CRLF1: variants seen among roughly 807,000 people sequenced by gnomAD.
CRLF1 encodes cytokine receptor like factor 1.
A neutral mutation model predicts 48.9 loss-of-function variants in CRLF1; 36 were observed. The ratio of observed to expected loss-of-function variants is 0.74; its 90% CI spans 0.56 to 0.97. CRLF1 has a LOEUF of 0.97. Ranked by LOEUF, CRLF1 falls within the 50% of genes least tolerant of loss-of-function variation. The pLI, the probability that CRLF1 is intolerant of heterozygous loss-of-function variation, is 0.00. For synonymous variants in CRLF1, 256 were observed against 253.4 expected, an observed-to-expected ratio of 1.01 and a Z score of -0.10; for missense variants, 534 against 575.1, an observed-to-expected ratio of 0.93 and a Z score of 0.73.
In CRLF1 at chr19:18,606,621, G is replaced by C; in HGVS notation, c.36C>G (p.Ser12=). ...PAGRRGPAAQ[S]ARRPPPLLPL... is the part of the protein sequence containing the mutation. ...GCAGCAACGGCGGCGGCCGCCGCGC[G>C]GATTGGGCGGCGGGGCCCCGGCGGC... Residue 12 remains serine, a synonymous_variant, in exon 1 of 9, where the codon TCC becomes TCG. Coordinates refer to ENST00000392386, the MANE Select transcript of CRLF1 (RefSeq NM_004750.5). This position sits in a 1 kb window ranked among gnomAD's most constrained non-coding sequence, Gnocchi z 4.8. 1 of 1,043,682 alleles carries C rather than the reference G, an allele frequency of 9.6e-7. No homozygotes were observed. The highest frequency in any genetic ancestry group is 1.2e-6 in the Non-Finnish European group (1 of 863,500). 64.7% of individuals were successfully genotyped at this position (1,043,682 alleles called of 1,614,324 possible). A position where few individuals can be genotyped will look rare whatever the true frequency, so the allele number is the denominator to read the frequency against.
intron 1 of CRLF1, among the ~76,000 whole-genome samples, chr19:18,605,076 T>C (rs958349972): frequency 3.9e-5 from 6 of 152,062 alleles, no homozygotes; most frequent in Non-Finnish European, 5.9e-5. Context: ...TAGAAACATA[T>C]TGCCGAGGTG....
rs1976095117 is a variant in CRLF1 at position 18,594,081 on chromosome 19, T to C, written c.1239A>G (p.Arg413=). Residue 413 remains arginine, a synonymous_variant, in exon 8 of 9, where the codon AGA becomes AGG. Transcript: ENST00000392386. ...CCACCTTACCTCTCGCCGTGCCCCG[T>C]CTGCCCGAGGGCAGGATCCCCTCGT... ...NQDEGILPSG[R]RGTARGPAR 1 of 1,258,086 alleles carries C rather than the reference T, an allele frequency of 7.9e-7. No individual in the cohort carries two copies. The highest frequency in any genetic ancestry group is 1.0e-6 in the Non-Finnish European group (1 of 968,464). The allele number at this position is 1,258,086 out of a possible 1,614,324, so 77.9% of individuals were successfully genotyped here.
intron 4 of CRLF1, among the ~76,000 whole-genome samples, chr19:18,597,801 G>A (rs1256632322): frequency 6.6e-6 from 1 of 152,126 alleles, no homozygotes; most frequent in Admixed American, 6.6e-5. Context: ...CTGAGGCTTA[G>A]AACTTTCCCA....
chr19:18,599,860 G>A lies in CRLF1; in HGVS notation c.116-14C>T, dbSNP rs376810676. 6.6e-7 allele frequency: 1 copy of A among 1,511,288 alleles called. No homozygotes were observed. Among genetic ancestry groups the A allele is most frequent in the African/African-American group, 1.4e-5 (1 of 72,534 alleles). The allele number at this position is 1,511,288 out of a possible 1,614,324, so 93.6% of individuals were successfully genotyped here. A position where few individuals can be genotyped will look rare whatever the true frequency, so the allele number is the denominator to read the frequency against. On this transcript the variant is annotated splice_polypyrimidine_tract_variant and intron_variant, in intron 1 of 8. Coordinates refer to ENST00000392386, the MANE Select transcript of CRLF1 (RefSeq NM_004750.5). ...TCACAGCTGTGTCTGGGGTCAAAGA[G>A]GAACACGTGTCAGGCCAGGGCGGGG...
At chr19:18,603,479 C>A (rs1478700584) in intron 1 of CRLF1, among the ~76,000 whole-genome samples, 1 of 152,184 alleles carries the variant, frequency 6.6e-6, no homozygotes, top group Non-Finnish European at 1.5e-5. Context: ...CCCTGACCTG[C>A]AGGGAGGAGG....
At chr19:18,598,284 T>C in intron 4 of CRLF1, 148 bp downstream of exon 4, 5 of 808,998 alleles carry the variant, frequency 6.2e-6, no homozygotes, top group Non-Finnish European at 9.6e-6. Flanking sequence ...ACCTTCCCTC[T>C]GACCAGCAGG....
In CRLF1 at chr19:18,593,366, C is replaced by CA. The variant is rs951588983; in HGVS notation, c.*199dup. 7.3e-6 allele frequency: 5 copies of CA among 680,450 alleles called. No individual in the cohort carries two copies. In the African/African-American group the frequency reaches 9.0e-5, roughly 12 times the overall value. The allele number at this position is 680,450 out of a possible 1,614,324, so 42.2% of individuals were successfully genotyped here. A position where few individuals can be genotyped will look rare whatever the true frequency, so the allele number is the denominator to read the frequency against. The stretch of plus-strand genomic sequence containing the variant: ...GCAACTCAACCAACCCTCACACACA[C>CA]ACACACACCCACTGGGGTGCACCCA... On this transcript the variant is annotated 3_prime_UTR_variant, in exon 9 of 9. Coordinates refer to ENST00000392386, the MANE Select transcript of CRLF1 (RefSeq NM_004750.5).
rs11672248 is a variant in CRLF1, at chr19:18,598,772, C to T, written c.527G>A (p.Arg176Lys). The T allele has an allele frequency of 6.2e-7, 1 of 1,614,148 alleles. No individual in the cohort carries two copies. The highest frequency in any genetic ancestry group is 8.5e-7 in the Non-Finnish European group (1 of 1,180,000). Reference protein sequence around the residue: ...HTNYSLKYKLRWYGQDNTCEE... With the variant: ...HTNYSLKYKLKWYGQDNTCEE... ...ACATCGCCCTCAGGCCACCACCAAC[C>T]TAAGCTTGTACTTGAGGGAGTAGTT... is the stretch of plus-strand genomic sequence containing the variant. The change falls in exon 3 of 9, where the codon AGG becomes AAG. Residue 176 changes from arginine to lysine, a missense_variant and splice_region_variant. This residue lies in a region of CRLF1 where 528 missense variants were observed against 555.7 expected (regional missense o/e 0.95). Transcript: ENST00000392386.
intron 5 of CRLF1, 30 bp downstream of exon 5, chr19:18,596,861 CA>C (rs1341021131): frequency 1.4e-5 from 23 of 1,613,502 alleles, no homozygotes; most frequent in South Asian, 2.2e-5. Context: ...CTGGAAGGAA[CA>C]GGGGCGGAGT....
chr19:18,596,488 G>T, intron 6 of CRLF1, 134 bp downstream of exon 6: 1 of 1,112,482 alleles, frequency 9.0e-7, no homozygotes, highest in Non-Finnish European at 1.3e-6. Context: ...TGCAGTGAGT[G>T]CAGATCACAC....
chr19:18,594,032 T>TGGGGCAC, intron 8 of CRLF1, 33 bp downstream of exon 8: 2 of 695,806 alleles, frequency 2.9e-6, no homozygotes, highest in Non-Finnish European at 4.4e-6. Context: ...CTCCCCTTGC[T>TGGGGCAC]CCCTCCCGCC....
chr19:18,594,032 T>TGTGGGCCC, intron 8 of CRLF1, 33 bp downstream of exon 8: 1 of 695,812 alleles, frequency 1.4e-6, no homozygotes, highest in Non-Finnish European at 2.2e-6. Context: ...CTCCCCTTGC[T>TGTGGGCCC]CCCTCCCGCC....
At position 18,593,357 on chromosome 19, in the gene CRLF1, T is replaced by TCA. The variant is rs375500909; in HGVS notation, c.*207_*208dup. ...GGGTTCTAGGCAACTCAACCAACCC[T>TCA]CACACACACACACACACCCACTGGG... On this transcript the variant is annotated 3_prime_UTR_variant, in exon 9 of 9. Transcript: ENST00000392386. 1,374 of 599,650 alleles carry TCA rather than the reference T, an allele frequency of 2.3e-3. 2 individuals carry two copies. The highest frequency in any genetic ancestry group is 4.7e-3 in the South Asian group (211 of 44,986). The allele number at this position is 599,650 out of a possible 1,614,324, so 37.1% of individuals were successfully genotyped here. A position where few individuals can be genotyped will look rare whatever the true frequency, so the allele number is the denominator to read the frequency against.
chr19:18,599,971 C>T (rs950483525), intron 1 of CRLF1, 125 bp from the exon 2 acceptor site: 2 of 1,074,616 alleles, frequency 1.9e-6, no homozygotes, highest in African/African-American at 1.6e-5. Flanking sequence ...CCCCATTTTA[C>T]AGATAGGGAA....
At chr19:18,603,600 G>A (rs1036788983) in intron 1 of CRLF1, among the ~76,000 whole-genome samples, 1 of 152,210 alleles carries the variant, frequency 6.6e-6, no homozygotes, top group African/African-American at 2.4e-5. Flanking sequence ...GCCCAGCTTC[G>A]CAGAGATGGC....
Position 18,598,619 on chromosome 19 carries a change from C to T in CRLF1, c.528-18G>A, listed in dbSNP as rs745679158. On this transcript the variant is annotated intron_variant, in intron 3 of 8. Transcript: ENST00000392386. Reference sequence around the variant, plus strand: ...CATACCACCTGCGGGGATGGGAGGGCGACAGGACGCATGAGGGTTCCTTGT... The same window carrying T: ...CATACCACCTGCGGGGATGGGAGGGTGACAGGACGCATGAGGGTTCCTTGT... 7.4e-6 allele frequency: 12 copies of T among 1,613,766 alleles called. No individual in the cohort carries two copies. Among genetic ancestry groups the T allele is most frequent in the Non-Finnish European group, 1.0e-5 (12 of 1,179,970 alleles).
chr19:18,595,123 C>T (rs979110256), intron 6 of CRLF1, among the ~76,000 whole-genome samples: 2 of 152,220 alleles, frequency 1.3e-5, no homozygotes, highest in East Asian at 1.9e-4. Context: ...AGCAGGCCGG[C>T]GGATAAGGAC....
intron 1 of CRLF1, among the ~76,000 whole-genome samples, chr19:18,604,157 C>A (rs1001438262): frequency 6.6e-6 from 1 of 152,172 alleles, no homozygotes; most frequent in Non-Finnish European, 1.5e-5. Flanking sequence ...GGAAGGGGCT[C>A]TCTGGGGGGT....
At chr19:18,600,557 G>A (rs1447369722) in intron 1 of CRLF1, among the ~76,000 whole-genome samples, 3 of 152,222 alleles carry the variant, frequency 2.0e-5, no homozygotes, top group East Asian at 1.9e-4. Context: ...TAGTAGAGAC[G>A]GGGTTTCAGC....
Sources: allele counts gnomAD v4.1 joint callset (sites outside exome capture counted in the v4.1 genomes callset), GRCh38; gene constraint gnomAD v4.1.1; regional missense constraint gnomAD v4.1.1; non-coding constraint Gnocchi (gnomAD v3.1); transcripts MANE v1.5; gene names NCBI Gene and HGNC (gene_info 2026-07-23, HGNC 2026-07-21).